The following DCDC1 variants were observed in gnomAD, a reference collection of about 807,000 sequenced individuals.
DCDC1 encodes doublecortin domain containing 1.
DCDC1 carries 200 observed loss-of-function variants against 178.3 expected under a neutral mutation model. That is an observed-to-expected ratio of 1.12 (90% CI 1.00 to 1.26). DCDC1 has a LOEUF of 1.26. Ranked by LOEUF, DCDC1 falls within the 50% of genes most tolerant of loss-of-function variation. The pLI, the probability that DCDC1 is intolerant of heterozygous loss-of-function variation, is 0.00. For missense variants in DCDC1, 1,983 were observed against 1,749.2 expected (o/e 1.13, Z -2.38); for synonymous variants, 690 against 604.8 (o/e 1.14, Z -2.07).
chr11:30,931,145 T>G (rs1946899257), intron 22 of DCDC1, among the ~76,000 whole-genome samples: 1 of 152,140 alleles, frequency 6.6e-6, no homozygotes, highest in Admixed American at 6.6e-5. Context: ...CAATGATCTA[T>G]GATGCCTTTT....
intron 20 of DCDC1, among the ~76,000 whole-genome samples, chr11:31,025,110 A>C (rs560010005): frequency 1.8e-4 from 28 of 152,034 alleles, no homozygotes; most frequent in African/African-American, 6.3e-4. Flanking sequence ...GAGAATTAAC[A>C]TGATTGGTAT....
At chr11:30,951,865 A>G (rs1200438517) in intron 21 of DCDC1, among the ~76,000 whole-genome samples, 1 of 152,134 alleles carries the variant, frequency 6.6e-6, no homozygotes, top group East Asian at 1.9e-4. Flanking sequence ...GAAAGCACAT[A>G]ATAATCCAAA....
chr11:31,199,437 C>T (rs1224725141), intron 9 of DCDC1, among the ~76,000 whole-genome samples: 1 of 151,998 alleles, frequency 6.6e-6, no homozygotes, highest in Non-Finnish European at 1.5e-5. Context: ...TGAAATTTTC[C>T]ATCAAACTCA....
chr11:31,258,597 T>TA (rs1283537470), intron 8 of DCDC1, among the ~76,000 whole-genome samples: 1 of 152,080 alleles, frequency 6.6e-6, no homozygotes. Context: ...GCAGGAGCAT[T>TA]AAAAAACTGA....
chr11:31,221,631 A>G (rs1254430744), intron 9 of DCDC1, among the ~76,000 whole-genome samples: 1 of 152,036 alleles, frequency 6.6e-6, no homozygotes, highest in East Asian at 1.9e-4. Context: ...TTTAGTTCAA[A>G]CTGGTAGTAT....
intron 1 of DCDC1, among the ~76,000 whole-genome samples, chr11:31,341,822 C>T (rs1469919428): frequency 6.6e-6 from 1 of 151,486 alleles, no homozygotes; most frequent in Non-Finnish European, 1.5e-5. Context: ...TACACACACA[C>T]ACACACACAC....
chr11:30,911,919 GC>G (rs1334700193), intron 27 of DCDC1, among the ~76,000 whole-genome samples: 1 of 152,144 alleles, frequency 6.6e-6, no homozygotes, highest in Non-Finnish European at 1.5e-5. Context: ...TGGTTTGAAT[GC>G]CCCTCCAAAA....
At chr11:30,874,616 C>G (rs1941946403) in intron 38 of DCDC1, among the ~76,000 whole-genome samples, 1 of 152,044 alleles carries the variant, frequency 6.6e-6, no homozygotes, top group Non-Finnish European at 1.5e-5. Flanking sequence ...GGGAAGTTCC[C>G]TCCTCTCCTC....
chr11:31,046,296 C>T (rs1364919194), intron 20 of DCDC1, among the ~76,000 whole-genome samples: 2 of 152,018 alleles, frequency 1.3e-5, no homozygotes, highest in Non-Finnish European at 1.5e-5. Flanking sequence ...TTTATTCCTT[C>T]TTAATGTTGA....
chr11:31,253,725 T>C (rs1194876692), intron 8 of DCDC1, among the ~76,000 whole-genome samples: 1 of 152,176 alleles, frequency 6.6e-6, no homozygotes, highest in East Asian at 1.9e-4. Context: ...AAATAGTATG[T>C]GCTTTTTTCT....
At position 30,952,471 on chromosome 11, in the gene DCDC1, C is replaced by G. The variant is rs1948485628; in HGVS notation, c.2689G>C (p.Val897Leu). Residue 897 changes from valine (V) to leucine (L), a missense_variant, in exon 21 of 39, where the codon GTC becomes CTC. Transcript: ENST00000684477. ...LWNKLTYMWPVLPSGQLNEEF... is the reference protein window; with the variant it reads ...LWNKLTYMWPLLPSGQLNEEF... ...TCATTAAGTTGGCCACTGGGAAGGACAGGCCACATGTAGGTAAGCTTGTTC... is the reference window on the plus strand; with the variant it reads ...TCATTAAGTTGGCCACTGGGAAGGAGAGGCCACATGTAGGTAAGCTTGTTC... The G allele has an allele frequency of 1.3e-5, 20 of 1,580,482 alleles. No individual in the cohort carries two copies. The highest frequency in any genetic ancestry group is 1.6e-5 in the Non-Finnish European group (19 of 1,167,084).
chr11:31,144,053 G>A (rs899467964), intron 9 of DCDC1, among the ~76,000 whole-genome samples: 2 of 152,148 alleles, frequency 1.3e-5, no homozygotes, highest in Non-Finnish European at 2.9e-5. Context: ...TTTTAAAAGG[G>A]TTATAATTTG....
intron 11 of DCDC1, among the ~76,000 whole-genome samples, chr11:31,126,944 A>G (rs912671381): frequency 6.6e-6 from 1 of 152,138 alleles, no homozygotes; most frequent in African/African-American, 2.4e-5. Flanking sequence ...TAACCAATTC[A>G]CCTTTTTTCC....
chr11:30,979,975 C>T (rs761767254), intron 20 of DCDC1, among the ~76,000 whole-genome samples: 1 of 152,166 alleles, frequency 6.6e-6, no homozygotes, highest in Non-Finnish European at 1.5e-5. Context: ...TTATATTTTC[C>T]TCTAACACTG....
Position 30,906,613 on chromosome 11 carries a change from A to T in DCDC1, c.4031T>A (p.Phe1344Tyr), listed in dbSNP as rs938305450. Residue 1344 changes from phenylalanine (F) to tyrosine (Y), a missense_variant, in exon 30 of 39, where the codon TTC becomes TAC. Transcript: ENST00000684477. ...AGTCTTGGTGCCTGAAATACAGAGG[A>T]ATGGAACCCCTGGAAGCAATTGTTT... ...GLKQLLPGVP[F>Y]LCISGTKTQK... is the part of the protein sequence containing the mutation. The T allele has an allele frequency of 6.2e-7, 1 of 1,613,498 alleles. No individual in the cohort carries two copies. The highest frequency in any genetic ancestry group is 1.3e-5 in the African/African-American group (1 of 75,030).
chr11:31,184,257 C>G (rs1004823012), intron 9 of DCDC1, among the ~76,000 whole-genome samples: 1 of 152,104 alleles, frequency 6.6e-6, no homozygotes, highest in Admixed American at 6.5e-5. Context: ...GAAACTGGAC[C>G]GCTTCTTTAC....
At position 31,017,241 on chromosome 11, in the gene DCDC1, C is replaced by G. The variant is rs1590771246; in HGVS notation, c.2591+47228G>C. Among the ~76,000 whole-genome samples the G allele has an allele frequency of 2.6e-5, 4 of 152,268 alleles. No individual in the cohort carries two copies. In the South Asian group the frequency reaches 8.3e-4, roughly 32 times the overall value. On this transcript the variant is annotated intron_variant, in intron 20 of 38. Coordinates refer to ENST00000684477, the MANE Select transcript of DCDC1 (RefSeq NM_001387274.1). ...CCACTTACATGCAGATTTTCTTCCT[C>G]CTTTGCCACCCTGAAGACAGCAACA...
chr11:30,979,327 A>G (rs539028981), intron 20 of DCDC1, among the ~76,000 whole-genome samples: 1 of 152,334 alleles, frequency 6.6e-6, no homozygotes, highest in East Asian at 1.9e-4. Flanking sequence ...CTATCTCTCA[A>G]GGGCCTAAAT....
intron 22 of DCDC1, among the ~76,000 whole-genome samples, chr11:30,928,217 GTC>G (rs1284035583): frequency 6.6e-6 from 1 of 151,988 alleles, no homozygotes; most frequent in Non-Finnish European, 1.5e-5. Flanking sequence ...CCTCTATGTA[GTC>G]TCTGCATTTG....
Sources: allele counts gnomAD v4.1 joint callset (sites outside exome capture counted in the v4.1 genomes callset), GRCh38; gene constraint gnomAD v4.1.1; transcripts MANE v1.5; gene names NCBI Gene and HGNC (gene_info 2026-07-23, HGNC 2026-07-21).